Variants in AKAP19 observed in about 807,000 individuals in gnomAD.
AKAP19 encodes small A-kinase anchoring protein.
chr2:190,132,934 T>C, the AKAP19 span, among the ~76,000 whole-genome samples: 1 of 152,078 alleles, frequency 6.6e-6, no homozygotes, highest in Non-Finnish European at 1.5e-5. Context: ...AACAATTCAA[T>C]AGCAAGAAAG....
the AKAP19 span, among the ~76,000 whole-genome samples, chr2:190,151,180 G>A: frequency 3.9e-5 from 6 of 152,150 alleles, no homozygotes; most frequent in African/African-American, 1.4e-4. Flanking sequence ...GTTGATTTGT[G>A]TTTACATTTG....
At chr2:189,940,843 ATCG>A in the AKAP19 span, among the ~76,000 whole-genome samples, 1 of 152,100 alleles carries the variant, frequency 6.6e-6, no homozygotes, top group African/African-American at 2.4e-5. Context: ...GTGAGCCGAG[ATCG>A]TGCCACTGCA....
At chr2:190,010,785 G>A in the AKAP19 span, among the ~76,000 whole-genome samples, 1 of 152,184 alleles carries the variant, frequency 6.6e-6, no homozygotes, top group Non-Finnish European at 1.5e-5. Flanking sequence ...TTTCTGGAGT[G>A]CAAAGTAATG....
At chr2:190,097,878 A>AG in the AKAP19 span, among the ~76,000 whole-genome samples, 308 of 144,390 alleles carry the variant, frequency 2.1e-3, no homozygotes, top group Non-Finnish European at 3.7e-3. Flanking sequence ...AAAAAAAAAA[A>AG]AAAGAAAAGA....
chr2:189,946,900 T>C, the AKAP19 span, among the ~76,000 whole-genome samples: 7 of 152,232 alleles, frequency 4.6e-5, no homozygotes, highest in Non-Finnish European at 1.5e-5. Flanking sequence ...TATTTTCAAA[T>C]TGTGCTTTCC....
At chr2:190,112,883 C>T in the AKAP19 span, among the ~76,000 whole-genome samples, 1 of 152,120 alleles carries the variant, frequency 6.6e-6, no homozygotes, top group Non-Finnish European at 1.5e-5. Context: ...AGCTTTCCCA[C>T]TAATGGGGAA....
At chr2:190,042,852 T>A in the AKAP19 span, among the ~76,000 whole-genome samples, 2 of 152,192 alleles carry the variant, frequency 1.3e-5, no homozygotes, top group African/African-American at 4.8e-5. Flanking sequence ...TTTCTATATT[T>A]ATGCTTCTTT....
At chr2:189,979,963 G>A in the AKAP19 span, among the ~76,000 whole-genome samples, 1 of 152,200 alleles carries the variant, frequency 6.6e-6, no homozygotes, top group African/African-American at 2.4e-5. Flanking sequence ...CTTATACACT[G>A]CTGGTAGGAA....
chr2:189,972,169 AG>A, the AKAP19 span, among the ~76,000 whole-genome samples: 1 of 152,062 alleles, frequency 6.6e-6, no homozygotes, highest in African/African-American at 2.4e-5. Context: ...TAAGGTGTAA[AG>A]AAGGGATCCA....
the AKAP19 span, among the ~76,000 whole-genome samples, chr2:189,937,928 A>G: frequency 6.6e-6 from 1 of 152,210 alleles, no homozygotes; most frequent in South Asian, 2.1e-4. Context: ...AAAAGAAAGG[A>G]AATTGGCATA....
At chr2:189,951,865 A>C in the AKAP19 span, among the ~76,000 whole-genome samples, 6,340 of 152,306 alleles carry the variant, frequency 0.042, 421 homozygotes, top group African/African-American at 0.14. Context: ...GACCTCTCAA[A>C]TGTTCTTATC....
At chr2:190,198,733 T>C in the AKAP19 span, among the ~76,000 whole-genome samples, 1 of 150,244 alleles carries the variant, frequency 6.7e-6, no homozygotes. Context: ...TCAGGGACCA[T>C]TAATCTCATT....
the AKAP19 span, among the ~76,000 whole-genome samples, chr2:190,007,629 G>C: frequency 6.6e-6 from 1 of 152,148 alleles, no homozygotes; most frequent in Admixed American, 6.5e-5. Context: ...CTTAAGGAAA[G>C]TACACTAAGA....
chr2:190,194,477 TACACAC>T, the AKAP19 span, among the ~76,000 whole-genome samples: 7,126 of 141,390 alleles, frequency 0.05, 349 homozygotes, highest in African/African-American at 0.13. Flanking sequence ...ATCCTGTGTA[TACACAC>T]ACACACACAC....
At chr2:190,164,570 A>C in the AKAP19 span, among the ~76,000 whole-genome samples, 6 of 152,266 alleles carry the variant, frequency 3.9e-5, no homozygotes, top group African/African-American at 1.4e-4. Flanking sequence ...AAGGCAAATA[A>C]AATTTATTTA....
At chr2:190,085,183 C>T in the AKAP19 span, among the ~76,000 whole-genome samples, 1 of 152,128 alleles carries the variant, frequency 6.6e-6, no homozygotes, top group Non-Finnish European at 1.5e-5. Flanking sequence ...TATTTTCAAT[C>T]TCATATTAGA....
chr2:189,942,277 T>C, the AKAP19 span, among the ~76,000 whole-genome samples: 1 of 152,168 alleles, frequency 6.6e-6, no homozygotes, highest in Non-Finnish European at 1.5e-5. Context: ...CACTCAACTC[T>C]GTTTCTTGCT....
chr2:190,038,878 C>CTCTTTCTTTCTTTCTTTCTTTCTT, the AKAP19 span, among the ~76,000 whole-genome samples: 94 of 80,284 alleles, frequency 1.2e-3, 3 homozygotes, highest in African/African-American at 3.8e-3. Flanking sequence ...AGAGTCCTCC[C>CTCTTTCTTTCTTTCTTTCTTTCTT]TCTTTCTTTC....
At chr2:189,919,885 T>A in the AKAP19 span, among the ~76,000 whole-genome samples, 2 of 152,330 alleles carry the variant, frequency 1.3e-5, no homozygotes, top group Admixed American at 1.3e-4. Context: ...CTATCTGCCT[T>A]CCTTCTTCCT....
Sources: allele counts gnomAD v4.1 joint callset (sites outside exome capture counted in the v4.1 genomes callset), GRCh38; gene constraint gnomAD v4.1.1; transcripts MANE v1.5; gene names NCBI Gene and HGNC (gene_info 2026-07-23, HGNC 2026-07-21).